Variants in VANGL2 observed in about 807,000 individuals in gnomAD.
The protein encoded by VANGL2 is VANGL planar cell polarity protein 2.
VANGL2 carries 14 observed loss-of-function variants against 50.2 expected under a neutral mutation model. That is an observed-to-expected ratio of 0.28 (90% CI 0.18 to 0.44). The LOEUF (loss-of-function observed/expected upper bound fraction) is 0.44. Ranked by LOEUF, VANGL2 falls within the 20% of genes least tolerant of loss-of-function variation. VANGL2 has a pLI of 1.00. For synonymous variants in VANGL2, 295 were observed against 297.2 expected, an observed-to-expected ratio of 0.99 and a Z score of 0.08; for missense variants, 533 against 701.5, an observed-to-expected ratio of 0.76 and a Z score of 2.71.
chr1:160,420,978 T>C (rs1651254162), intron 5 of VANGL2, 74 bp from the exon 6 acceptor site: 9 of 1,596,338 alleles, frequency 5.6e-6, no homozygotes, highest in Non-Finnish European at 7.7e-6. Context: ...CAGGCTGCTG[T>C]CTCCAGAGCT....
chr1:160,411,468 A>G (rs1650878058), intron 1 of VANGL2, among the ~76,000 whole-genome samples: 1 of 151,038 alleles, frequency 6.6e-6, no homozygotes, highest in Non-Finnish European at 1.5e-5. Context: ...AGACTGATTA[A>G]ATAAGGGGAA....
intron 6 of VANGL2, among the ~76,000 whole-genome samples, 160 bp downstream of exon 6, chr1:160,421,347 C>A (rs1651267296): frequency 6.6e-6 from 1 of 152,182 alleles, no homozygotes; most frequent in Non-Finnish European, 1.5e-5. Flanking sequence ...TTACCATAAA[C>A]TTAGCAGCTG....
chr1:160,410,271 G>A (rs1650828553), intron 1 of VANGL2, among the ~76,000 whole-genome samples: 2 of 152,086 alleles, frequency 1.3e-5, no homozygotes, highest in African/African-American at 4.8e-5. Flanking sequence ...ACCCTTCTCA[G>A]CTGCTTCCAG....
At chr1:160,423,935 TG>T in intron 6 of VANGL2, 116 bp from the exon 7 acceptor site, 1 of 1,121,926 alleles carries the variant, frequency 8.9e-7, no homozygotes, top group Non-Finnish European at 1.3e-6. Context: ...TGTATTACTT[TG>T]GGTGAGCACA....
chr1:160,409,925 G>A (rs1001609318), intron 1 of VANGL2, among the ~76,000 whole-genome samples: 1 of 152,200 alleles, frequency 6.6e-6, no homozygotes, highest in Non-Finnish European at 1.5e-5. Flanking sequence ...AGGGAGCCAG[G>A]CAGCTAGGGG....
chr1:160,407,231 G>C (rs186629278), intron 1 of VANGL2, among the ~76,000 whole-genome samples: 15 of 152,194 alleles, frequency 9.9e-5, no homozygotes, highest in Non-Finnish European at 1.9e-4. Flanking sequence ...TCTCAGGTAG[G>C]GGGGTGGTCG....
At chr1:160,423,800 A>C (rs1020901293) in intron 6 of VANGL2, among the ~76,000 whole-genome samples, 1 of 152,362 alleles carries the variant, frequency 6.6e-6, no homozygotes, top group East Asian at 1.9e-4. Context: ...TTCCTATAGC[A>C]TAGTTCCTAG....
chr1:160,420,561 C>T lies in VANGL2; in HGVS notation c.937+14C>T, dbSNP rs759348973. The T allele has an allele frequency of 1.9e-6, 3 of 1,614,042 alleles. No homozygotes were observed. The South Asian group carries it at 3.3e-5, about 18-fold the overall frequency. Reference sequence around the variant, plus strand: ...CCCTCGGAGAGGGTGAGCAGCCCTGCTCCTCTGCCCTTCCCTGTCTCTTCC... The same window carrying T: ...CCCTCGGAGAGGGTGAGCAGCCCTGTTCCTCTGCCCTTCCCTGTCTCTTCC... On this transcript the variant is annotated intron_variant, in intron 5 of 7. Transcript: ENST00000368061.
chr1:160,422,197 G>C (rs1243113396), intron 6 of VANGL2, among the ~76,000 whole-genome samples: 1 of 152,286 alleles, frequency 6.6e-6, no homozygotes, highest in Admixed American at 6.5e-5. Context: ...CCCTGTAGTA[G>C]AACAAAGATC....
chr1:160,416,178 A>C lies in VANGL2; in HGVS notation c.188A>C (p.Glu63Ala). 3 of 1,614,118 alleles carry C rather than the reference A, an allele frequency of 1.9e-6. No homozygotes were observed. The highest frequency in any genetic ancestry group is 2.5e-6 in the Non-Finnish European group (3 of 1,180,002). The part of the protein sequence containing the change: ...LLDNESTRGD[E>A]RDDNWGETTT... The stretch of plus-strand genomic sequence containing the variant: ...GACAATGAGTCCACACGAGGGGATG[A>C]GCGGGTGAGCACTGGGGATGCGGTG... Residue 63 changes from glutamate to alanine, a missense_variant, in exon 3 of 8, where the codon GAG becomes GCG. Glu to Ala is a moderately radical substitution (Grantham distance 107). Coordinates refer to ENST00000368061, the MANE Select transcript of VANGL2 (RefSeq NM_020335.3).
rs1651199652 is a variant in VANGL2 at position 160,419,690 on chromosome 1, G to A, written c.800+81G>A. On this transcript the variant is annotated intron_variant, in intron 4 of 7. Transcript: ENST00000368061. This position sits in a 1 kb window ranked among gnomAD's most constrained non-coding sequence, Gnocchi z 5.8. ...AGTGACTGCTAGGGTGGGAGGGTAT[G>A]ATGGTGGGCTGGAGGTGATGGGCTT... The A allele has an allele frequency of 1.9e-6, 3 of 1,545,214 alleles. No individual in the cohort carries two copies. The highest frequency in any genetic ancestry group is 1.7e-6 in the Non-Finnish European group (2 of 1,153,952).
chr1:160,407,652 C>T (rs1650726416), intron 1 of VANGL2, among the ~76,000 whole-genome samples: 1 of 152,330 alleles, frequency 6.6e-6, no homozygotes, highest in South Asian at 2.1e-4. Context: ...CCTCGAGCAG[C>T]AGGCTAGGAA....
At position 160,425,311 on chromosome 1, in the gene VANGL2, C is replaced by G. The variant is rs1306491775; in HGVS notation, c.1499C>G (p.Ser500Cys). Residue 500 changes from serine (S) to cysteine (C), a missense_variant, in exon 8 of 8, where the codon TCC becomes TGC. Transcript: ENST00000368061. ...STKKVPFFKL[S>C]EEFVDPKSHK... ...AAGAAGGTCCCATTCTTCAAACTCT[C>G]CGAGGAATTTGTGGATCCCAAGTCA... 6.2e-7 allele frequency: 1 copy of G among 1,613,698 alleles called. No individual in the cohort carries two copies.
chr1:160,411,347 G>A (rs1287785134), intron 1 of VANGL2, among the ~76,000 whole-genome samples: 2 of 151,702 alleles, frequency 1.3e-5, no homozygotes, highest in East Asian at 1.9e-4. Flanking sequence ...TCCCTGTCTC[G>A]TCATCCCTCT....
chr1:160,424,219 A>C lies in VANGL2; in HGVS notation c.1241A>C (p.Tyr414Ser). 1 of 1,614,180 alleles carries C rather than the reference A, an allele frequency of 6.2e-7. No individual in the cohort carries two copies. ...KYLRTTKQQP[Y>S]HTMESILQHL... ...CTTCGGACCACCAAGCAGCAGCCCT[A>C]CCACACCATGGAGAGCATCCTGCAG... Residue 414 changes from tyrosine to serine, a missense_variant, in exon 7 of 8, where the codon TAC (tyrosine) becomes TCC (serine). Transcript: ENST00000368061.
intron 7 of VANGL2, 63 bp downstream of exon 7, chr1:160,424,346 A>G: frequency 1.3e-6 from 2 of 1,482,774 alleles, no homozygotes; most frequent in Non-Finnish European, 1.9e-6. Flanking sequence ...TCCCACCTTC[A>G]TTTTCCCTTA....
chr1:160,414,129 A>G (rs1401737263), intron 1 of VANGL2, among the ~76,000 whole-genome samples: 1 of 152,230 alleles, frequency 6.6e-6, no homozygotes, highest in African/African-American at 2.4e-5. Context: ...GTACTACTGC[A>G]GTCGCCTCCT....
At chr1:160,416,559 A>T (rs16831967) in intron 3 of VANGL2, among the ~76,000 whole-genome samples, 23,388 of 151,906 alleles carry the variant, frequency 0.15, 3,934 homozygotes, top group African/African-American at 0.43. Context: ...AAAGCTGAGT[A>T]TTCCTGGAGC....
chr1:160,409,698 G>A (rs1409285298), intron 1 of VANGL2, among the ~76,000 whole-genome samples: 3 of 152,198 alleles, frequency 2.0e-5, no homozygotes, highest in Non-Finnish European at 4.4e-5. Context: ...GCTGTGTCTC[G>A]AGTCTCTGCT....
Sources: allele counts gnomAD v4.1 joint callset (sites outside exome capture counted in the v4.1 genomes callset), GRCh38; gene constraint gnomAD v4.1.1; non-coding constraint Gnocchi (gnomAD v3.1); transcripts MANE v1.5; gene names NCBI Gene and HGNC (gene_info 2026-07-23, HGNC 2026-07-21).